Variants in ARL14EP observed in about 807,000 individuals in gnomAD.
The protein encoded by ARL14EP is ARF like GTPase 14 effector protein.
In ARL14EP, 12 loss-of-function variants were observed where a neutral mutation model predicts 23.1. The observed-to-expected ratio is 0.52, with a 90% CI of 0.33 to 0.84. ARL14EP has a LOEUF of 0.84. Among genes scored for constraint, ARL14EP ranks in the 40% least tolerant of loss-of-function variants. The pLI is 0.02. For synonymous variants in ARL14EP, 97 were observed against 102.0 expected (o/e 0.95, Z 0.29); for missense variants, 253 against 307.3 (o/e 0.82, Z 1.32).
chr11:30,331,643 G>C, intron 2 of ARL14EP: 2 of 1,284,858 alleles, frequency 1.6e-6, no homozygotes, highest in Non-Finnish European at 2.0e-6. Flanking sequence ...TTTAGGAGTG[G>C]GTTTTAGAAT....
At chr11:30,327,278 G>A (rs946815121) in intron 1 of ARL14EP, among the ~76,000 whole-genome samples, 1 of 152,000 alleles carries the variant, frequency 6.6e-6, no homozygotes, top group Non-Finnish European at 1.5e-5. Flanking sequence ...GTTGAATTTT[G>A]TAGTAATTTA....
intron 1 of ARL14EP, among the ~76,000 whole-genome samples, chr11:30,326,828 T>C (rs984413288): frequency 1.3e-5 from 2 of 152,032 alleles, no homozygotes; most frequent in African/African-American, 4.8e-5. Flanking sequence ...GCAGTTTTAC[T>C]CAGGTGTGTG....
At chr11:30,325,301 C>A (rs1481638939) in intron 1 of ARL14EP, among the ~76,000 whole-genome samples, 1 of 152,056 alleles carries the variant, frequency 6.6e-6, no homozygotes, top group Non-Finnish European at 1.5e-5. Flanking sequence ...TCTGTAGGGC[C>A]AAGCAGATCA....
At chr11:30,327,426 G>A (rs3858430) in intron 1 of ARL14EP, among the ~76,000 whole-genome samples, 52,971 of 151,930 alleles carry the variant, frequency 0.35, 9,902 homozygotes, top group East Asian at 0.6. Flanking sequence ...GGACAGATAA[G>A]GTTTCTAAAG....
chr11:30,327,436 G>A (rs1947245317), intron 1 of ARL14EP, among the ~76,000 whole-genome samples: 1 of 152,142 alleles, frequency 6.6e-6, no homozygotes, highest in Non-Finnish European at 1.5e-5. Context: ...GGTTTCTAAA[G>A]TAATTAGTTT....
rs376202594 is a variant in ARL14EP, at chr11:30,331,381, G to C, written c.426+7G>C. ...AAGGAAACCTGAGTCAGATGTATGT[G>C]TAATAGTCATTTTTTTCTACATTGT... On this transcript the variant is annotated splice_region_variant and intron_variant, in intron 2 of 3. Transcript: ENST00000282032. 1 of 1,613,626 alleles carries C rather than the reference G, an allele frequency of 6.2e-7. No individual in the cohort carries two copies. Among genetic ancestry groups the C allele is most frequent in the Non-Finnish European group, 8.5e-7 (1 of 1,179,784 alleles).
Sources: gnomAD v4.1 joint callset for allele counts (sites outside exome capture counted in the v4.1 genomes callset) on GRCh38, gnomAD v4.1.1 for gene constraint, MANE v1.5 for transcripts, NCBI Gene and HGNC (gene_info 2026-07-23, HGNC 2026-07-21) for gene names.